CNTN4: variants seen among roughly 807,000 people sequenced by gnomAD.
The protein encoded by CNTN4 is contactin 4.
Under a neutral mutation model 122.5 loss-of-function variants are expected in CNTN4, and 77 were observed. The ratio of observed to expected loss-of-function variants is 0.63; its 90% CI spans 0.52 to 0.76. CNTN4 has a LOEUF of 0.76. CNTN4 is among the 30% of genes least tolerant of loss of function. The pLI is 0.00. For synonymous variants in CNTN4, 512 were observed against 447.0 expected (o/e 1.15, Z -1.83); for missense variants, 1,256 against 1,259.1 (o/e 1.00, Z 0.04).
At chr3:2,410,927 T>A (rs913914979) in intron 3 of CNTN4, among the ~76,000 whole-genome samples, 4 of 152,220 alleles carry the variant, frequency 2.6e-5, no homozygotes, top group African/African-American at 9.6e-5. Flanking sequence ...GAACTATTCC[T>A]TAGTGTCTTT....
intron 2 of CNTN4, among the ~76,000 whole-genome samples, chr3:2,264,797 A>G (rs1386425773): frequency 6.6e-6 from 1 of 152,062 alleles, no homozygotes; most frequent in Non-Finnish European, 1.5e-5. Context: ...AATTTTTTAT[A>G]TGGTGAAAGA....
chr3:2,207,934 C>A (rs2038437417), intron 2 of CNTN4, among the ~76,000 whole-genome samples: 1 of 151,988 alleles, frequency 6.6e-6, no homozygotes, highest in African/African-American at 2.4e-5. Context: ...TTCTAAAAAT[C>A]CTAGGAATTA....
chr3:2,457,653 AC>A (rs2049049732), intron 3 of CNTN4, among the ~76,000 whole-genome samples: 1 of 152,130 alleles, frequency 6.6e-6, no homozygotes, highest in South Asian at 2.1e-4. Context: ...ACCAGGGGAG[AC>A]TAAAACTCCC....
chr3:2,108,650 A>G (rs2125120365), intron 2 of CNTN4, among the ~76,000 whole-genome samples: 1 of 152,328 alleles, frequency 6.6e-6, no homozygotes, highest in South Asian at 2.1e-4. Context: ...CAAGTGACCT[A>G]ACTTTTCTAG....
At chr3:2,252,851 C>T (rs939343681) in intron 2 of CNTN4, among the ~76,000 whole-genome samples, 1 of 152,078 alleles carries the variant, frequency 6.6e-6, no homozygotes, top group Non-Finnish European at 1.5e-5. Flanking sequence ...CAGATTGTCT[C>T]CCAAATTGTT....
At chr3:2,104,978 G>C (rs180972784) in intron 2 of CNTN4, among the ~76,000 whole-genome samples, 1 of 152,228 alleles carries the variant, frequency 6.6e-6, no homozygotes, top group Non-Finnish European at 1.5e-5. Context: ...TTAAGGATTG[G>C]AGCATGGGAA....
chr3:2,632,249 T>C (rs1398950189), intron 4 of CNTN4, among the ~76,000 whole-genome samples: 1 of 152,166 alleles, frequency 6.6e-6, no homozygotes, highest in East Asian at 1.9e-4. Flanking sequence ...ATTTAGAGTC[T>C]CATTTCTAAA....
intron 4 of CNTN4, among the ~76,000 whole-genome samples, chr3:2,649,081 C>A (rs1007675273): frequency 6.6e-6 from 1 of 152,124 alleles, no homozygotes; most frequent in Non-Finnish European, 1.5e-5. Flanking sequence ...AAGGTGGAAG[C>A]TAGCAGAGGT....
chr3:2,219,818 A>G (rs930553660), intron 2 of CNTN4, among the ~76,000 whole-genome samples: 1 of 152,038 alleles, frequency 6.6e-6, no homozygotes, highest in Non-Finnish European at 1.5e-5. Flanking sequence ...CCAGCAAAAG[A>G]TGGCATTTTT....
intron 19 of CNTN4, 128 bp downstream of exon 19, chr3:3,039,131 C>A: frequency 1.2e-6 from 1 of 801,810 alleles, no homozygotes; most frequent in Non-Finnish European, 2.1e-6. Context: ...TGGGTTCAGA[C>A]ACTCCCTCTC....
chr3:2,400,976 A>G (rs1486944648), intron 3 of CNTN4, among the ~76,000 whole-genome samples: 3 of 152,044 alleles, frequency 2.0e-5, no homozygotes, highest in African/African-American at 7.2e-5. Context: ...GTATTGGGAA[A>G]TTAGCACATT....
At chr3:2,244,109 TC>T (rs2040048991) in intron 2 of CNTN4, among the ~76,000 whole-genome samples, 1 of 152,092 alleles carries the variant, frequency 6.6e-6, no homozygotes. Flanking sequence ...ACTATGTTTT[TC>T]CTGTGCATAC....
chr3:2,294,630 A>C (rs2042242562), intron 2 of CNTN4, among the ~76,000 whole-genome samples: 1 of 152,132 alleles, frequency 6.6e-6, no homozygotes, highest in Non-Finnish European at 1.5e-5. Context: ...CCTGTTTCAA[A>C]AACAACAACA....
chr3:2,534,639 A>T (rs1306133811), intron 3 of CNTN4, among the ~76,000 whole-genome samples: 1 of 151,760 alleles, frequency 6.6e-6, no homozygotes, highest in African/African-American at 2.4e-5. Context: ...ACTGTTTTCC[A>T]GCTGAGGGCT....
Position 2,119,950 on chromosome 3 carries a change from T to G in CNTN4, c.-145+19311T>G, listed in dbSNP as rs9310633. Among the ~76,000 whole-genome samples the G allele has an allele frequency of 4.1e-3, 623 of 152,180 alleles. 5 individuals are homozygous for G. Among genetic ancestry groups the G allele is most frequent in the African/African-American group, 0.014 (593 of 41,514 alleles). On this transcript the variant is annotated intron_variant, in intron 2 of 24. Coordinates refer to ENST00000418658, the MANE Select transcript of CNTN4 (RefSeq NM_175607.3). ...AGTGCATAATGTGGGCAGGATCTAGTGTAGGTGGCAGAGTCAAGAAAGGCT... is the reference window on the plus strand; with the variant it reads ...AGTGCATAATGTGGGCAGGATCTAGGGTAGGTGGCAGAGTCAAGAAAGGCT...
At chr3:3,003,705 A>C (rs199622294) in intron 14 of CNTN4, among the ~76,000 whole-genome samples, 16,453 of 137,118 alleles carry the variant, frequency 0.12, 1,090 homozygotes, top group Non-Finnish European at 0.13. Context: ...AAAAAAAAAA[A>C]AAAAAAAAAC....
intron 13 of CNTN4, among the ~76,000 whole-genome samples, chr3:2,961,231 C>CACAAAAAAAAAAAA (rs1208900538): frequency 2.7e-5 from 1 of 37,262 alleles, no homozygotes; most frequent in African/African-American, 1.0e-4. Flanking sequence ...CTCCATCTCA[C>CACAAAAAAAAAAAA]AAAAAAAAAA....
rs773536927 is a variant in CNTN4 at position 2,536,569 on chromosome 3, GA to G, written c.-88-34843del. On this transcript the variant is annotated intron_variant, in intron 3 of 24. Transcript: ENST00000418658. ...TAGTACACTGAAATTGAGCCCTGAA[GA>G]AAATATTTTTTAAATAATTTTTTTT... 3.3e-5 allele frequency among the ~76,000 whole-genome samples: 5 copies of G among 151,148 alleles called. 1 individual carries two copies. Among genetic ancestry groups the G allele is most frequent in the Non-Finnish European group, 7.4e-5 (5 of 67,836 alleles).
intron 2 of CNTN4, among the ~76,000 whole-genome samples, chr3:2,263,986 A>G (rs1046840044): frequency 3.3e-5 from 5 of 152,134 alleles, no homozygotes; most frequent in Admixed American, 6.6e-5. Flanking sequence ...GTGTGTAGCT[A>G]TACCACATTT....
Sources: gnomAD v4.1 joint callset for allele counts (sites outside exome capture counted in the v4.1 genomes callset) on GRCh38, gnomAD v4.1.1 for gene constraint, MANE v1.5 for transcripts, NCBI Gene and HGNC (gene_info 2026-07-23, HGNC 2026-07-21) for gene names.